Variants in LRP1B observed in about 807,000 individuals in gnomAD.
LRP1B encodes LDL receptor related protein 1B, also known as low-density lipoprotein receptor-related protein 1B.
A neutral mutation model predicts 556.6 loss-of-function variants in LRP1B; 217 were observed. The observed-to-expected ratio is 0.39, with a 90% CI of 0.35 to 0.44. The LOEUF is 0.44. Ranked by LOEUF, LRP1B falls within the 20% of genes least tolerant of loss-of-function variation. The pLI, the probability that LRP1B is intolerant of heterozygous loss-of-function variation, is 1.00. For missense variants in LRP1B, 5,053 were observed against 5,620.8 expected (o/e 0.90, Z 3.23); for synonymous variants, 2,047 against 1,865.8 (o/e 1.10, Z -2.50).
At chr2:140,653,449 A>G (rs1559033739) in intron 41 of LRP1B, among the ~76,000 whole-genome samples, 3 of 151,990 alleles carry the variant, frequency 2.0e-5, no homozygotes, top group Admixed American at 2.0e-4. Flanking sequence ...AGTTGTATGA[A>G]AAAGGAAAAA....
chr2:140,502,239 A>G (rs1689231835), intron 54 of LRP1B, among the ~76,000 whole-genome samples: 1 of 152,066 alleles, frequency 6.6e-6, no homozygotes, highest in Non-Finnish European at 1.5e-5. Flanking sequence ...GAGAAATTAT[A>G]TGTCACTAAA....
At chr2:141,434,280 C>CTTTTTTTTTTTTTTTTTTTT (rs1282811550) in intron 3 of LRP1B, among the ~76,000 whole-genome samples, 2 of 152,044 alleles carry the variant, frequency 1.3e-5, no homozygotes, top group Non-Finnish European at 2.9e-5. Flanking sequence ...TTCATTTTAA[C>CTTTTTTTTTTTTTTTTTTTT]TTTTTTCCTC....
chr2:141,476,833 A>G (rs536103316), intron 3 of LRP1B, among the ~76,000 whole-genome samples: 1 of 152,312 alleles, frequency 6.6e-6, no homozygotes, highest in East Asian at 1.9e-4. Context: ...CTTCTGAAAA[A>G]AAGAAAACAG....
chr2:141,367,876 CA>C (rs1197472181), intron 3 of LRP1B, among the ~76,000 whole-genome samples: 2 of 151,900 alleles, frequency 1.3e-5, no homozygotes, highest in African/African-American at 2.4e-5. Context: ...CCATATTTAG[CA>C]AAGTAACAGA....
intron 3 of LRP1B, among the ~76,000 whole-genome samples, chr2:141,287,290 G>A (rs1413968837): frequency 6.6e-6 from 1 of 150,882 alleles, no homozygotes; most frequent in Non-Finnish European, 1.5e-5. Flanking sequence ...AGAATATAGG[G>A]CATTAATTTT....
At chr2:140,260,982 A>G (rs1441850311) in intron 86 of LRP1B, among the ~76,000 whole-genome samples, 2 of 151,476 alleles carry the variant, frequency 1.3e-5, no homozygotes, top group Admixed American at 6.6e-5. Flanking sequence ...TGTCTGGTAT[A>G]TAGTAGTTGG....
intron 7 of LRP1B, among the ~76,000 whole-genome samples, chr2:141,114,988 C>T (rs6745345): frequency 0.28 from 43,119 of 152,018 alleles, 6,592 homozygotes; most frequent in East Asian, 0.65. Flanking sequence ...TAGTAACGTA[C>T]ACTCCTTTCC....
At chr2:141,599,526 C>T (rs1427825992) in intron 2 of LRP1B, among the ~76,000 whole-genome samples, 3 of 152,122 alleles carry the variant, frequency 2.0e-5, no homozygotes, top group South Asian at 2.1e-4. Context: ...TTTAGGGTAA[C>T]CATGGCTGGA....
At chr2:141,949,461 G>A (rs13393296) in intron 1 of LRP1B, among the ~76,000 whole-genome samples, 16,940 of 152,142 alleles carry the variant, frequency 0.11, 1,160 homozygotes, top group East Asian at 0.26. Context: ...CATGATCTCA[G>A]CTCACTGCAA....
chr2:141,631,063 TCA>T (rs1443698536), intron 2 of LRP1B, among the ~76,000 whole-genome samples: 3 of 152,156 alleles, frequency 2.0e-5, no homozygotes, highest in Non-Finnish European at 4.4e-5. Context: ...TTTAATTGAC[TCA>T]CAGTTCTCCA....
At chr2:140,820,865 T>C (rs1691304095) in intron 31 of LRP1B, among the ~76,000 whole-genome samples, 2 of 151,944 alleles carry the variant, frequency 1.3e-5, no homozygotes, top group Admixed American at 1.3e-4. Flanking sequence ...CCTGCTTTTC[T>C]TTTCTGCTGA....
intron 3 of LRP1B, among the ~76,000 whole-genome samples, chr2:141,287,466 G>A (rs1466237473): frequency 6.6e-6 from 1 of 151,864 alleles, no homozygotes; most frequent in East Asian, 1.9e-4. Flanking sequence ...GGGACTACAG[G>A]TGCCCACCAC....
intron 35 of LRP1B, among the ~76,000 whole-genome samples, chr2:140,731,197 C>T (rs1351917493): frequency 6.6e-6 from 1 of 152,162 alleles, no homozygotes; most frequent in Non-Finnish European, 1.5e-5. Context: ...CCCCTAATAA[C>T]CTGTGCTTCT....
chr2:142,129,530 A>G (rs1345791463), intron 1 of LRP1B, among the ~76,000 whole-genome samples: 4 of 151,144 alleles, frequency 2.6e-5, no homozygotes, highest in African/African-American at 9.7e-5. Flanking sequence ...TAAATCTCCC[A>G]ATGCAACATT....
intron 1 of LRP1B, among the ~76,000 whole-genome samples, chr2:141,877,395 G>A (rs78337218): frequency 0.022 from 3,304 of 151,994 alleles, 104 homozygotes; most frequent in South Asian, 0.063. Flanking sequence ...CATTTGATGA[G>A]TTTTTATATC....
chr2:140,542,161 T>C (rs72617080), intron 43 of LRP1B, among the ~76,000 whole-genome samples, 190 bp from the exon 44 acceptor site: 69,831 of 151,626 alleles, frequency 0.46, 16,758 homozygotes, highest in South Asian at 0.59. Flanking sequence ...AATGTTGTAG[T>C]CATTGTTAGT....
chr2:141,819,460 A>G (rs1696682916), intron 1 of LRP1B, among the ~76,000 whole-genome samples: 2 of 152,208 alleles, frequency 1.3e-5, no homozygotes, highest in South Asian at 2.1e-4. Context: ...GCTACAGGAC[A>G]CTATGTTACT....
chr2:141,993,196 A>G (rs1014706162), intron 1 of LRP1B, among the ~76,000 whole-genome samples: 2 of 152,086 alleles, frequency 1.3e-5, no homozygotes, highest in African/African-American at 4.8e-5. Context: ...TCAGTTACCC[A>G]AAGACCAGGA....
intron 3 of LRP1B, among the ~76,000 whole-genome samples, chr2:141,407,055 T>G (rs1214313187): frequency 2.0e-5 from 3 of 152,186 alleles, no homozygotes; most frequent in African/African-American, 7.2e-5. Flanking sequence ...AAATTGATTA[T>G]ATAGAGATAA....
Sources: gnomAD v4.1 joint callset for allele counts (sites outside exome capture counted in the v4.1 genomes callset) on GRCh38, gnomAD v4.1.1 for gene constraint, MANE v1.5 for transcripts, NCBI Gene and HGNC (gene_info 2026-07-23, HGNC 2026-07-21) for gene names.